The following CRBN variants were observed in gnomAD, a reference collection of about 807,000 sequenced individuals.
CRBN encodes protein cereblon.
CRBN carries 53 observed loss-of-function variants against 62.2 expected under a neutral mutation model. That is an observed-to-expected ratio of 0.85 (90% CI 0.68 to 1.07). The LOEUF (loss-of-function observed/expected upper bound fraction) is 1.07. Ranked by LOEUF, CRBN falls within the 50% of genes least tolerant of loss-of-function variation. CRBN has a pLI of 0.00. For missense variants in CRBN, 616 were observed against 531.1 expected, an observed-to-expected ratio of 1.16 and a Z score of -1.57; for synonymous variants, 208 against 176.1, an observed-to-expected ratio of 1.18 and a Z score of -1.43.
chr3:3,156,414 T>TA, intron 5 of CRBN, 133 bp from the exon 6 acceptor site: 1 of 737,586 alleles, frequency 1.4e-6, no homozygotes. Context: ...ATTTTGTAGA[T>TA]AATCCCATGA....
At chr3:3,160,516 T>A (rs1707096502) in intron 5 of CRBN, among the ~76,000 whole-genome samples, 1 of 152,228 alleles carries the variant, frequency 6.6e-6, no homozygotes, top group Non-Finnish European at 1.5e-5. Flanking sequence ...CAAGTGTACA[T>A]ACAAGATGTA....
At chr3:3,178,920 C>A in intron 1 of CRBN, among the ~76,000 whole-genome samples, 1 of 151,452 alleles carries the variant, frequency 6.6e-6, no homozygotes, top group African/African-American at 2.4e-5. Flanking sequence ...CAACACAAGG[C>A]CAAAGTCTAA....
intron 5 of CRBN, among the ~76,000 whole-genome samples, chr3:3,162,691 G>A (rs930478228): frequency 7.9e-5 from 12 of 152,132 alleles, no homozygotes; most frequent in African/African-American, 2.9e-4. Context: ...TACAATCCTC[G>A]ATACTTTAAG....
intron 5 of CRBN, among the ~76,000 whole-genome samples, chr3:3,164,160 CTAAT>C (rs571994544): frequency 5.9e-5 from 9 of 152,276 alleles, no homozygotes; most frequent in African/African-American, 2.2e-4. Flanking sequence ...TGAAACTAGG[CTAAT>C]TAATAACTTT....
At chr3:3,179,598 A>G in intron 1 of CRBN, 23 bp downstream of exon 1, 1 of 1,611,582 alleles carries the variant, frequency 6.2e-7, no homozygotes, top group Admixed American at 1.7e-5. Context: ...TCCCGACTAC[A>G]GGGAACTACT....
chr3:3,160,375 AT>A (rs1391189750), intron 5 of CRBN, among the ~76,000 whole-genome samples: 1 of 152,256 alleles, frequency 6.6e-6, no homozygotes, highest in Admixed American at 6.5e-5. Flanking sequence ...AATAATTTAT[AT>A]AAATAATTAA....
chr3:3,153,696 T>C, intron 8 of CRBN: 1 of 615,380 alleles, frequency 1.6e-6, no homozygotes, highest in Non-Finnish European at 2.9e-6. Flanking sequence ...TAAAACTAAA[T>C]GACCTTCTCT....
At position 3,150,603 on chromosome 3, in the gene CRBN, T is replaced by C. The variant is rs1359654177; in HGVS notation, c.*262A>G. On this transcript the variant is annotated 3_prime_UTR_variant, in exon 11 of 11. Transcript: ENST00000231948. ...CATCAATGACATGCTACCAGACATATCAGATTCCACAGGATAATGGCACCA... is the reference window on the plus strand; with the variant it reads ...CATCAATGACATGCTACCAGACATACCAGATTCCACAGGATAATGGCACCA... 1.8e-5 allele frequency: 7 copies of C among 380,598 alleles called. No individual in the cohort carries two copies. Among genetic ancestry groups the C allele is most frequent in the Non-Finnish European group, 3.5e-5 (7 of 201,646 alleles). 23.6% of individuals were successfully genotyped at this position (380,598 alleles called of 1,614,324 possible).
chr3:3,169,436 G>C (rs189022954), intron 4 of CRBN, among the ~76,000 whole-genome samples: 7 of 150,840 alleles, frequency 4.6e-5, no homozygotes, highest in African/African-American at 1.7e-4. Flanking sequence ...ATTAAGTTGA[G>C]ACATAAACTG....
At chr3:3,168,218 A>G (rs909156788) in intron 4 of CRBN, among the ~76,000 whole-genome samples, 1 of 151,810 alleles carries the variant, frequency 6.6e-6, no homozygotes, top group Admixed American at 6.6e-5. Context: ...ATCCTTTCTC[A>G]TAAGTCATCT....
At chr3:3,173,880 A>G (rs1707725480) in intron 3 of CRBN, 179 bp downstream of exon 3, 1 of 639,978 alleles carries the variant, frequency 1.6e-6, no homozygotes, top group Non-Finnish European at 2.8e-6. Context: ...TGGTAATGAA[A>G]TGAACAAAAA....
intron 10 of CRBN, 142 bp from the exon 11 acceptor site, chr3:3,151,187 C>G (rs933553265): frequency 5.9e-6 from 5 of 849,196 alleles, no homozygotes; most frequent in Admixed American, 2.8e-5. Context: ...ATACAGTTCC[C>G]TGAAACCTAA....
intron 5 of CRBN, among the ~76,000 whole-genome samples, chr3:3,157,512 C>G (rs1706947337): frequency 1.3e-5 from 2 of 152,168 alleles, no homozygotes; most frequent in Non-Finnish European, 2.9e-5. Context: ...AGACCCTACT[C>G]CTGCACCTGC....
At chr3:3,162,909 C>G (rs1362646128) in intron 5 of CRBN, among the ~76,000 whole-genome samples, 5 of 152,178 alleles carry the variant, frequency 3.3e-5, no homozygotes, top group Admixed American at 3.3e-4. Context: ...TTGTATCTGT[C>G]TAAAGACAAA....
chr3:3,177,354 G>C (rs1028928808), intron 1 of CRBN, among the ~76,000 whole-genome samples: 10 of 152,126 alleles, frequency 6.6e-5, no homozygotes, highest in African/African-American at 2.4e-4. Context: ...TTTCAATATG[G>C]TAACTGCCTT....
chr3:3,150,283 A>G lies in CRBN; in HGVS notation c.*582T>C, dbSNP rs1706422180. 6.5e-6 allele frequency: 1 copy of G among 152,790 alleles called. No individual in the cohort carries two copies. The highest frequency in any genetic ancestry group is 6.5e-5 in the Admixed American group (1 of 15,358). 9.5% of individuals were successfully genotyped at this position (152,790 alleles called of 1,614,324 possible). On this transcript the variant is annotated 3_prime_UTR_variant, in exon 11 of 11. Transcript: ENST00000231948. ...TGACAACTATTCGTGGGCTCAAAAA[A>G]CTGCATATTTTAACTAATTTTCAAA...
At chr3:3,158,211 C>T (rs1043785169) in intron 5 of CRBN, among the ~76,000 whole-genome samples, 1 of 152,148 alleles carries the variant, frequency 6.6e-6, no homozygotes, top group African/African-American at 2.4e-5. Context: ...AGTCTAGATC[C>T]CTCCCATGCG....
intron 1 of CRBN, among the ~76,000 whole-genome samples, chr3:3,179,247 G>C (rs1024958527): frequency 6.6e-6 from 1 of 152,220 alleles, no homozygotes; most frequent in Non-Finnish European, 1.5e-5. Flanking sequence ...CATGTTAGCT[G>C]TCACTCTTAT....
rs1706458334 is a variant in CRBN, at chr3:3,150,626, C to G, written c.*239G>C. On this transcript the variant is annotated 3_prime_UTR_variant, in exon 11 of 11. Coordinates refer to ENST00000231948, the MANE Select transcript of CRBN (RefSeq NM_016302.4). ...TATCAGATTCCACAGGATAATGGCA[C>G]CAAGCTACCCAAGTAGATGTTTCTG... is the stretch of plus-strand genomic sequence containing the variant. 1 of 439,960 alleles carries G rather than the reference C, an allele frequency of 2.3e-6. No homozygotes were observed. The allele number at this position is 439,960 out of a possible 1,614,324, so 27.3% of individuals were successfully genotyped here.
Sources: allele counts gnomAD v4.1 joint callset (sites outside exome capture counted in the v4.1 genomes callset), GRCh38; gene constraint gnomAD v4.1.1; transcripts MANE v1.5; gene names NCBI Gene and HGNC (gene_info 2026-07-23, HGNC 2026-07-21).